CNTLN: variants seen among roughly 807,000 people sequenced by gnomAD.
The protein encoded by CNTLN is centlein.
Under a neutral mutation model 180.0 loss-of-function variants are expected in CNTLN, and 212 were observed. The observed-to-expected ratio is 1.18, with a 90% CI of 1.05 to 1.32. The LOEUF is 1.32. Among genes scored for constraint, CNTLN ranks in the 40% most tolerant of loss-of-function variants. The pLI, the probability that CNTLN is intolerant of heterozygous loss-of-function variation, is 0.00. For missense variants in CNTLN, 2,095 were observed against 1,610.9 expected, an observed-to-expected ratio of 1.30 and a Z score of -5.14; for synonymous variants, 722 against 563.1, an observed-to-expected ratio of 1.28 and a Z score of -3.99.
At chr9:17,181,021 G>A (rs1041600460) in intron 2 of CNTLN, among the ~76,000 whole-genome samples, 1 of 152,100 alleles carries the variant, frequency 6.6e-6, no homozygotes, top group East Asian at 1.9e-4. Context: ...GATATGACTT[G>A]GTATAGATTT....
intron 6 of CNTLN, among the ~76,000 whole-genome samples, chr9:17,293,655 A>G (rs1817573376): frequency 6.6e-6 from 1 of 152,184 alleles, no homozygotes; most frequent in South Asian, 2.1e-4. Flanking sequence ...GGCAGACTGG[A>G]GCTGCAGTGA....
intron 6 of CNTLN, among the ~76,000 whole-genome samples, chr9:17,279,983 G>A (rs749429745): frequency 6.6e-6 from 1 of 152,144 alleles, no homozygotes; most frequent in Non-Finnish European, 1.5e-5. Flanking sequence ...TGTGATGTCT[G>A]GCACTGCCTC....
chr9:17,471,756 T>G (rs1327878231), intron 23 of CNTLN, among the ~76,000 whole-genome samples: 1 of 152,078 alleles, frequency 6.6e-6, no homozygotes, highest in Admixed American at 6.6e-5. Flanking sequence ...AGAGAGCAAC[T>G]GAGCAGATTT....
intron 18 of CNTLN, among the ~76,000 whole-genome samples, chr9:17,416,905 ATCTT>A (rs1236796448): frequency 6.6e-6 from 1 of 151,428 alleles, no homozygotes; most frequent in Non-Finnish European, 1.5e-5. Flanking sequence ...TTAGAAAACA[ATCTT>A]TCAATCACTG....
chr9:17,351,779 T>C (rs1000057877), intron 12 of CNTLN, among the ~76,000 whole-genome samples: 3 of 152,234 alleles, frequency 2.0e-5, no homozygotes, highest in Non-Finnish European at 4.4e-5. Context: ...TTTTAAACTA[T>C]AGTTCTGAGA....
At chr9:17,259,933 G>T (rs1311683654) in intron 5 of CNTLN, among the ~76,000 whole-genome samples, 2 of 136,254 alleles carry the variant, frequency 1.5e-5, no homozygotes, top group Non-Finnish European at 3.1e-5. Flanking sequence ...CCAGCTCCTG[G>T]ATTCATTAAT....
In CNTLN at chr9:17,342,320, A is replaced by G. The variant is rs568818048; in HGVS notation, c.1767-5A>G. On this transcript the variant is annotated splice_region_variant and splice_polypyrimidine_tract_variant and intron_variant, in intron 11 of 25. Transcript: ENST00000380647. ...ATTGAAAAAGCAACTTTGTTTTAAA[A>G]ATAGGACTGAAATCAGGAAAATAAA... 1.2e-6 allele frequency: 2 copies of G among 1,610,520 alleles called. No individual in the cohort carries two copies. The highest frequency in any genetic ancestry group is 8.5e-7 in the Non-Finnish European group (1 of 1,178,740).
rs1244827812 is a variant in CNTLN at position 17,420,319 on chromosome 9, C to T, written c.3114+4130C>T. ...AGATTGTATATGTCTAGGAATTTGT[C>T]TATTTGTTCTAGATTTTCCAGATTA... On this transcript the variant is annotated intron_variant, in intron 18 of 25. Coordinates refer to ENST00000380647, the MANE Select transcript of CNTLN (RefSeq NM_017738.4). Among the ~76,000 whole-genome samples, 5 of 152,132 alleles carry T rather than the reference C, an allele frequency of 3.3e-5. No homozygotes were observed. The East Asian group carries it at 9.6e-4, about 29-fold the overall frequency.
In CNTLN at chr9:17,325,108, AG is replaced by A. The variant is rs565152422; in HGVS notation, c.1342-5523del. The stretch of plus-strand genomic sequence containing the variant: ...AGTATAAATTTAAACTAGTACCCTT[AG>A]TTTTATTTGTGAATTTTTATTATAA... On this transcript the variant is annotated intron_variant, in intron 8 of 25. Coordinates refer to ENST00000380647, the MANE Select transcript of CNTLN (RefSeq NM_017738.4). 1.4e-3 allele frequency among the ~76,000 whole-genome samples: 209 copies of A among 150,908 alleles called. 1 individual carries two copies. The highest frequency in any genetic ancestry group is 4.4e-3 in the African/African-American group (181 of 41,340).
intron 5 of CNTLN, among the ~76,000 whole-genome samples, chr9:17,242,340 C>T (rs982075165): frequency 1.1e-4 from 16 of 151,282 alleles, no homozygotes; most frequent in East Asian, 2.0e-4. Context: ...GATGGAGTCT[C>T]GCTGTGTCAC....
At position 17,332,690 on chromosome 9, in the gene CNTLN, A is replaced by G; in HGVS notation, c.1604A>G (p.Glu535Gly). The G allele has an allele frequency of 1.2e-6, 2 of 1,606,998 alleles. No individual in the cohort carries two copies. The highest frequency in any genetic ancestry group is 1.7e-6 in the Non-Finnish European group (2 of 1,177,362). Residue 535 changes from glutamate to glycine, a missense_variant, in exon 10 of 26, where the codon GAA becomes GGA. Transcript: ENST00000380647. ...SEELQKLRKAERKIENLEKAL... is the reference protein window; with the variant it reads ...SEELQKLRKAGRKIENLEKAL... ...GAGCTACAGAAGCTGAGAAAAGCTG[A>G]AAGAAAGATTGAAAACTTAGAGAAG...
chr9:17,399,551 G>A (rs543003051), intron 15 of CNTLN, among the ~76,000 whole-genome samples: 1 of 152,064 alleles, frequency 6.6e-6, no homozygotes, highest in Admixed American at 6.6e-5. Flanking sequence ...TATGGCATTT[G>A]GATCCTTTTA....
At chr9:17,149,556 C>T (rs1267218833) in intron 2 of CNTLN, among the ~76,000 whole-genome samples, 3 of 132,912 alleles carry the variant, frequency 2.3e-5, no homozygotes, top group East Asian at 2.2e-4. Context: ...CTCGCTCTGT[C>T]GCCCAGGCTG....
chr9:17,272,331 T>C (rs1046279590), intron 5 of CNTLN, among the ~76,000 whole-genome samples: 1 of 152,068 alleles, frequency 6.6e-6, no homozygotes, highest in East Asian at 1.9e-4. Flanking sequence ...CGCCTCAGCC[T>C]CCTAAAGTGC....
chr9:17,169,426 A>G (rs7856549), intron 2 of CNTLN, among the ~76,000 whole-genome samples: 2,901 of 152,256 alleles, frequency 0.019, 59 homozygotes, highest in African/African-American at 0.05. Flanking sequence ...TTCTCACTCT[A>G]GTTCTATGAA....
intron 23 of CNTLN, among the ~76,000 whole-genome samples, chr9:17,477,028 C>G (rs1832388441): frequency 6.6e-6 from 1 of 152,138 alleles, no homozygotes; most frequent in Non-Finnish European, 1.5e-5. Flanking sequence ...GAAGCCGATG[C>G]TCATTTCACA....
intron 16 of CNTLN, among the ~76,000 whole-genome samples, chr9:17,413,879 AAT>A (rs1195484428): frequency 6.6e-6 from 1 of 152,186 alleles, no homozygotes; most frequent in Non-Finnish European, 1.5e-5. Flanking sequence ...CAGACATGAA[AAT>A]ATATGTTTAC....
chr9:17,273,096 T>A (rs1828061120), intron 5 of CNTLN, among the ~76,000 whole-genome samples: 1 of 152,102 alleles, frequency 6.6e-6, no homozygotes, highest in Non-Finnish European at 1.5e-5. Flanking sequence ...TATTTAGATA[T>A]ATATTTAGTT....
chr9:17,418,636 A>G (rs1828456643), intron 18 of CNTLN, among the ~76,000 whole-genome samples: 1 of 151,460 alleles, frequency 6.6e-6, no homozygotes, highest in Non-Finnish European at 1.5e-5. Context: ...CTCGGTAAAT[A>G]TTCTAATTTA....
Sources: gnomAD v4.1 joint callset for allele counts (sites outside exome capture counted in the v4.1 genomes callset) on GRCh38, gnomAD v4.1.1 for gene constraint, MANE v1.5 for transcripts, NCBI Gene and HGNC (gene_info 2026-07-23, HGNC 2026-07-21) for gene names.